COL14A1: variants seen among roughly 807,000 people sequenced by gnomAD.
COL14A1 encodes the protein collagen type XIV alpha 1 chain, also known as collagen alpha-1(XIV) chain.
In COL14A1, 136 loss-of-function variants were observed where a neutral mutation model predicts 230.3. The ratio of observed to expected loss-of-function variants is 0.59; its 90% CI spans 0.51 to 0.68. COL14A1 has a LOEUF of 0.68. Among genes scored for constraint, COL14A1 ranks in the 30% least tolerant of loss-of-function variants. The probability of loss-of-function intolerance (pLI) is 0.00; values close to 1 mark genes in which losing one functional copy is unlikely to be tolerated. For synonymous variants in COL14A1, 792 were observed against 784.1 expected, an observed-to-expected ratio of 1.01 and a Z score of -0.17; for missense variants, 1,976 against 2,215.8, an observed-to-expected ratio of 0.89 and a Z score of 2.17.
intron 14 of COL14A1, among the ~76,000 whole-genome samples, chr8:120,220,878 G>T (rs914043095): frequency 6.6e-6 from 1 of 152,078 alleles, no homozygotes; most frequent in Admixed American, 6.6e-5. Flanking sequence ...TGATGACAAC[G>T]ATGATAATAA....
intron 5 of COL14A1, among the ~76,000 whole-genome samples, chr8:120,184,209 T>TGG (rs1452201505): frequency 2.1e-5 from 3 of 145,414 alleles, no homozygotes; most frequent in African/African-American, 8.2e-5. Flanking sequence ...GTGGTGTGTG[T>TGG]GTGGGGGGGG....
rs76969636 is a variant in COL14A1 at position 120,142,819 on chromosome 8, C to T, written c.-37-4987C>T. On this transcript the variant is annotated intron_variant, in intron 1 of 47. Coordinates refer to ENST00000297848, the MANE Select transcript of COL14A1 (RefSeq NM_021110.4). ...CAACATAAAAGAGTTGTATACTAGA[C>T]TGTGATTGGATATTTAAAAAAAGCT... is the stretch of plus-strand genomic sequence containing the variant. Among the ~76,000 whole-genome samples, 702 of 152,054 alleles carry T rather than the reference C, an allele frequency of 4.6e-3. 33 individuals carry two copies. In the East Asian group the frequency reaches 0.12, roughly 26 times the overall value.
intron 18 of COL14A1, among the ~76,000 whole-genome samples, chr8:120,229,094 A>C (rs1277079117): frequency 1.1e-4 from 15 of 141,186 alleles, no homozygotes; most frequent in East Asian, 4.1e-4. Flanking sequence ...TTTTCTTTTT[A>C]TTTTATTTTA....
chr8:120,157,327 T>A (rs1360440911), intron 2 of COL14A1, among the ~76,000 whole-genome samples: 2 of 152,200 alleles, frequency 1.3e-5, no homozygotes, highest in Non-Finnish European at 2.9e-5. Flanking sequence ...CAAATGTTTT[T>A]AAATGAATAT....
chr8:120,172,525 T>C (rs1816127220), intron 5 of COL14A1, among the ~76,000 whole-genome samples: 1 of 152,196 alleles, frequency 6.6e-6, no homozygotes, highest in Non-Finnish European at 1.5e-5. Flanking sequence ...TGTGTCACTT[T>C]GGCTTGTGGA....
At chr8:120,172,239 G>A (rs73321653) in intron 5 of COL14A1, among the ~76,000 whole-genome samples, 2,055 of 151,990 alleles carry the variant, frequency 0.014, 45 homozygotes, top group African/African-American at 0.046. Flanking sequence ...CAACTTATGC[G>A]TCCTGGGTTC....
At chr8:120,367,092 TC>T in intron 45 of COL14A1, 78 bp from the exon 46 acceptor site, 1 of 1,201,596 alleles carries the variant, frequency 8.3e-7, no homozygotes, top group South Asian at 1.5e-5. Context: ...AGAAGCACTT[TC>T]GAACTCCAGA....
chr8:120,249,629 T>TA (rs1334283942), intron 21 of COL14A1, among the ~76,000 whole-genome samples: 1 of 152,202 alleles, frequency 6.6e-6, no homozygotes, highest in Non-Finnish European at 1.5e-5. Context: ...TTTTGATTGT[T>TA]ACAACTGGTG....
intron 5 of COL14A1, among the ~76,000 whole-genome samples, chr8:120,175,826 T>C (rs930152526): frequency 1.3e-5 from 2 of 152,230 alleles, no homozygotes; most frequent in African/African-American, 2.4e-5. Flanking sequence ...CTAAACCAAG[T>C]AATGAAATGC....
chr8:120,267,258 C>T (rs1819526013), intron 25 of COL14A1, among the ~76,000 whole-genome samples: 1 of 151,872 alleles, frequency 6.6e-6, no homozygotes, highest in Non-Finnish European at 1.5e-5. Flanking sequence ...TTTCTTTCCT[C>T]ATCACAACAG....
chr8:120,185,148 T>C (rs1816606875), intron 5 of COL14A1, among the ~76,000 whole-genome samples: 1 of 152,144 alleles, frequency 6.6e-6, no homozygotes, highest in Non-Finnish European at 1.5e-5. Flanking sequence ...CCACCCACGA[T>C]TGGATTAAAT....
intron 19 of COL14A1, among the ~76,000 whole-genome samples, chr8:120,243,033 A>G (rs1468385111): frequency 2.0e-5 from 3 of 152,188 alleles, no homozygotes; most frequent in African/African-American, 7.2e-5. Context: ...GCACTTTTCC[A>G]GCCATGATTA....
intron 5 of COL14A1, among the ~76,000 whole-genome samples, chr8:120,194,415 A>T (rs1359828159): frequency 2.6e-5 from 4 of 152,036 alleles, no homozygotes; most frequent in Admixed American, 6.6e-5. Context: ...TACCCCCAAA[A>T]TCTAAGACCT....
chr8:120,242,163 T>C (rs1422240452), intron 19 of COL14A1, among the ~76,000 whole-genome samples: 1 of 152,226 alleles, frequency 6.6e-6, no homozygotes, highest in Non-Finnish European at 1.5e-5. Context: ...CATCTACAAA[T>C]ATTCCTGAAT....
chr8:120,354,386 T>C (rs1304313770), intron 45 of COL14A1, among the ~76,000 whole-genome samples: 1 of 99,756 alleles, frequency 1.0e-5, no homozygotes, highest in African/African-American at 5.6e-5. Flanking sequence ...AAACTTAAAG[T>C]ATAATTAAAA....
chr8:120,299,618 G>A (rs1462600315), intron 35 of COL14A1, among the ~76,000 whole-genome samples: 1 of 152,028 alleles, frequency 6.6e-6, no homozygotes, highest in African/African-American at 2.4e-5. Context: ...GGCTACAGGT[G>A]GCCTGTTGTT....
intron 1 of COL14A1, among the ~76,000 whole-genome samples, chr8:120,143,599 C>T (rs1185943040): frequency 2.0e-5 from 3 of 152,108 alleles, no homozygotes; most frequent in Admixed American, 6.5e-5. Context: ...CCACTGCACT[C>T]CAGCCTGGGC....
At chr8:120,338,375 G>A (rs532410840) in intron 42 of COL14A1, among the ~76,000 whole-genome samples, 19 of 152,272 alleles carry the variant, frequency 1.2e-4, no homozygotes, top group South Asian at 6.2e-4. Context: ...GAGTGTACTC[G>A]GGATGTGCAT....
At chr8:120,202,088 A>G (rs988593553) in intron 8 of COL14A1, among the ~76,000 whole-genome samples, 8 of 152,226 alleles carry the variant, frequency 5.3e-5, no homozygotes, top group African/African-American at 1.9e-4. Flanking sequence ...AAGAACCATC[A>G]GAGAGATTTA....
Sources: gnomAD v4.1 joint callset for allele counts (sites outside exome capture counted in the v4.1 genomes callset) on GRCh38, gnomAD v4.1.1 for gene constraint, MANE v1.5 for transcripts, NCBI Gene and HGNC (gene_info 2026-07-23, HGNC 2026-07-21) for gene names.